Variants in WWC2 observed in about 807,000 individuals in gnomAD.
WWC2 encodes the protein protein WWC2.
In WWC2, 101 loss-of-function variants were observed where a neutral mutation model predicts 138.5. The ratio of observed to expected loss-of-function variants is 0.73; its 90% CI spans 0.62 to 0.86. WWC2 has a LOEUF of 0.86. Among genes scored for constraint, WWC2 ranks in the 40% least tolerant of loss-of-function variants. WWC2 has a pLI of 0.00. For synonymous variants in WWC2, 558 were observed against 538.4 expected, an observed-to-expected ratio of 1.04 and a Z score of -0.50; for missense variants, 1,420 against 1,419.4, an observed-to-expected ratio of 1.00 and a Z score of -0.01.
chr4:183,234,883 GT>G (rs1480747730), intron 4 of WWC2, among the ~76,000 whole-genome samples: 1 of 152,126 alleles, frequency 6.6e-6, no homozygotes, highest in African/African-American at 2.4e-5. Flanking sequence ...AAGGACATTA[GT>G]TTTTACATTC....
Position 183,315,822 on chromosome 4 carries a change from T to G in WWC2, c.*93T>G. ...TGTGTTTTTGTTTTGGTGTTTGGTT[T>G]TTTTTGGTAACGTAACTGTCAACTC... On this transcript the variant is annotated 3_prime_UTR_variant, in exon 23 of 23. Coordinates refer to ENST00000403733, the MANE Select transcript of WWC2 (RefSeq NM_024949.6). 9.5e-7 allele frequency: 1 copy of G among 1,048,796 alleles called. No individual in the cohort carries two copies. The highest frequency in any genetic ancestry group is 2.6e-5 in the East Asian group (1 of 38,056). 65.0% of individuals were successfully genotyped at this position (1,048,796 alleles called of 1,614,324 possible).
chr4:183,132,675 G>A (rs1004887277), intron 1 of WWC2, among the ~76,000 whole-genome samples: 4 of 151,912 alleles, frequency 2.6e-5, no homozygotes, highest in Admixed American at 6.6e-5. Context: ...GGATGGTCTC[G>A]ATCTCCTGAC....
At chr4:183,192,302 G>C (rs1014091695) in intron 1 of WWC2, among the ~76,000 whole-genome samples, 1 of 152,210 alleles carries the variant, frequency 6.6e-6, no homozygotes, top group Non-Finnish European at 1.5e-5. Context: ...CTACTTCAAA[G>C]AGAAGGAAAC....
At chr4:183,155,013 T>C (rs1579993931) in intron 1 of WWC2, among the ~76,000 whole-genome samples, 2 of 152,208 alleles carry the variant, frequency 1.3e-5, no homozygotes, top group East Asian at 1.9e-4. Context: ...AAGCACATGC[T>C]AGCGTACCTG....
rs116236109 is a variant in WWC2, at chr4:183,124,839, A to G, written c.131+25217A>G. Among the ~76,000 whole-genome samples, 1,048 of 152,138 alleles carry G rather than the reference A, an allele frequency of 6.9e-3. 5 individuals are homozygous for G. Among genetic ancestry groups the G allele is most frequent in the Non-Finnish European group, 0.011 (718 of 67,984 alleles). ...CTCTTGACCTTGTGATCTGCCTGCT[A>G]TGTTGTGATTTCGTTATCTTGTACT... On this transcript the variant is annotated intron_variant, in intron 1 of 22. Coordinates refer to ENST00000403733, the MANE Select transcript of WWC2 (RefSeq NM_024949.6).
chr4:183,223,375 A>G (rs1352797760), intron 4 of WWC2, among the ~76,000 whole-genome samples: 3 of 152,250 alleles, frequency 2.0e-5, no homozygotes, highest in Admixed American at 6.5e-5. Context: ...ACATGAGTAG[A>G]GAGAATAGTA....
intron 1 of WWC2, among the ~76,000 whole-genome samples, chr4:183,121,625 C>T (rs531807672): frequency 2.6e-4 from 40 of 152,038 alleles, no homozygotes; most frequent in Non-Finnish European, 4.7e-4. Context: ...TTCCCAGTAA[C>T]CCATGAATTT....
chr4:183,276,972 TTTA>T (rs200128539), intron 16 of WWC2, among the ~76,000 whole-genome samples: 217 of 150,302 alleles, frequency 1.4e-3, no homozygotes, highest in African/African-American at 3.3e-3. Context: ...TCATTTCTTT[TTTA>T]TTATTATTAT....
At chr4:183,190,030 A>G (rs1363831676) in intron 1 of WWC2, among the ~76,000 whole-genome samples, 1 of 152,214 alleles carries the variant, frequency 6.6e-6, no homozygotes. Context: ...AACGTTGGCA[A>G]AGTGCTGCAG....
chr4:183,260,000 T>C (rs1222843818), intron 10 of WWC2, among the ~76,000 whole-genome samples: 1 of 152,182 alleles, frequency 6.6e-6, no homozygotes, highest in African/African-American at 2.4e-5. Context: ...ATTGCCCCAT[T>C]TTTTAAAAAG....
intron 21 of WWC2, among the ~76,000 whole-genome samples, chr4:183,303,755 A>G (rs921101938): frequency 2.0e-5 from 3 of 152,222 alleles, no homozygotes; most frequent in South Asian, 4.1e-4. Flanking sequence ...CTCAAAGTAC[A>G]GATTAACATT....
Position 183,320,022 on chromosome 4 carries a change from T to A in WWC2, c.*4293T>A, listed in dbSNP as rs762097930. On this transcript the variant is annotated 3_prime_UTR_variant, in exon 23 of 23. Coordinates refer to ENST00000403733, the MANE Select transcript of WWC2 (RefSeq NM_024949.6). ...AGGCAAAGCCAGGAAGGAGTCAAAGTCCTTGCATTGCATCCCCACTTCCTC... is the reference window on the plus strand; with the variant it reads ...AGGCAAAGCCAGGAAGGAGTCAAAGACCTTGCATTGCATCCCCACTTCCTC... 1 of 1,613,998 alleles carries A rather than the reference T, an allele frequency of 6.2e-7. No homozygotes were observed. Among genetic ancestry groups the A allele is most frequent in the Non-Finnish European group, 8.5e-7 (1 of 1,179,918 alleles).
At chr4:183,103,638 CTTTTTTT>C (rs576659490) in intron 1 of WWC2, among the ~76,000 whole-genome samples, 2 of 120,302 alleles carry the variant, frequency 1.7e-5, no homozygotes, top group Non-Finnish European at 3.5e-5. Flanking sequence ...TTGTGTTTCT[CTTTTTTT>C]TTTTTTTTTT....
At chr4:183,100,103 A>G (rs34101938) in intron 1 of WWC2, among the ~76,000 whole-genome samples, 40,107 of 152,166 alleles carry the variant, frequency 0.26, 6,250 homozygotes, top group Middle Eastern at 0.38. Context: ...GGGGGCGCCC[A>G]GACTGGCCGG....
At position 183,318,376 on chromosome 4, in the gene WWC2, G is replaced by A. The variant is rs1373248990; in HGVS notation, c.*2647G>A. Reference sequence around the variant, plus strand: ...TTAATATTTAATCAGGTTAAATTCTGAACATGTTTCTGTTTTAATTTGTCT... The same window carrying A: ...TTAATATTTAATCAGGTTAAATTCTAAACATGTTTCTGTTTTAATTTGTCT... On this transcript the variant is annotated 3_prime_UTR_variant, in exon 23 of 23. Transcript: ENST00000403733. The A allele has an allele frequency of 6.6e-6, 1 of 152,384 alleles. No homozygotes were observed. Among genetic ancestry groups the A allele is most frequent in the African/African-American group, 2.4e-5 (1 of 41,382 alleles). 9.4% of individuals were successfully genotyped at this position (152,384 alleles called of 1,614,324 possible).
intron 14 of WWC2, among the ~76,000 whole-genome samples, chr4:183,266,466 A>G (rs1464035018): frequency 1.3e-5 from 2 of 152,208 alleles, no homozygotes; most frequent in Admixed American, 1.3e-4. Context: ...AAGAATCCCA[A>G]CAAAGTGATG....
At chr4:183,302,216 G>A (rs796338162) in intron 21 of WWC2, among the ~76,000 whole-genome samples, 4 of 152,276 alleles carry the variant, frequency 2.6e-5, no homozygotes, top group African/African-American at 9.6e-5. Context: ...CAGTTTGGCC[G>A]TGAACCATAG....
At chr4:183,248,992 C>T (rs551935586) in intron 7 of WWC2, 132 bp downstream of exon 7, 21 of 917,274 alleles carry the variant, frequency 2.3e-5, no homozygotes, top group African/African-American at 6.7e-5. Context: ...GTTCCATTTT[C>T]GTAAGATTAG....
chr4:183,232,395 T>C (rs984533219), intron 4 of WWC2, among the ~76,000 whole-genome samples: 17 of 152,198 alleles, frequency 1.1e-4, no homozygotes, highest in Non-Finnish European at 2.5e-4. Context: ...AGAGGGAACC[T>C]TGTGCCCATT....
Sources: allele counts gnomAD v4.1 joint callset (sites outside exome capture counted in the v4.1 genomes callset), GRCh38; gene constraint gnomAD v4.1.1; transcripts MANE v1.5; gene names NCBI Gene and HGNC (gene_info 2026-07-23, HGNC 2026-07-21).